The following LRIG3 variants were observed in gnomAD, a reference collection of about 807,000 sequenced individuals.
LRIG3 encodes the protein leucine rich repeats and immunoglobulin like domains 3, also known as leucine-rich repeats and immunoglobulin-like domains protein 3.
In LRIG3, 76 loss-of-function variants were observed where a neutral mutation model predicts 114.5. The ratio of observed to expected loss-of-function variants is 0.66; its 90% CI spans 0.55 to 0.80. The LOEUF is 0.80. Among genes scored for constraint, LRIG3 ranks in the 30% least tolerant of loss-of-function variants. LRIG3 has a pLI of 0.00. For missense variants in LRIG3, 1,239 were observed against 1,382.8 expected, an observed-to-expected ratio of 0.90 and a Z score of 1.65; for synonymous variants, 512 against 519.8, an observed-to-expected ratio of 0.98 and a Z score of 0.20.
At chr12:58,916,744 T>G (rs1332194888) in intron 1 of LRIG3, among the ~76,000 whole-genome samples, 2 of 152,224 alleles carry the variant, frequency 1.3e-5, no homozygotes, top group Non-Finnish European at 2.9e-5. Flanking sequence ...AGAGCTCAGC[T>G]GGCCAACACT....
intron 1 of LRIG3, among the ~76,000 whole-genome samples, chr12:58,917,346 A>G (rs1369460416): frequency 6.6e-6 from 1 of 152,260 alleles, no homozygotes; most frequent in Non-Finnish European, 1.5e-5. Flanking sequence ...TCTGGGCTAA[A>G]TAACATTCTA....
At chr12:58,882,553 T>C (rs898660994) in intron 12 of LRIG3, among the ~76,000 whole-genome samples, 1 of 152,210 alleles carries the variant, frequency 6.6e-6, no homozygotes, top group Non-Finnish European at 1.5e-5. Flanking sequence ...ATTTCATGGA[T>C]GCAGAGACTA....
chr12:58,879,783 TATTA>T (rs1285507238), intron 13 of LRIG3, among the ~76,000 whole-genome samples: 70 of 152,350 alleles, frequency 4.6e-4, no homozygotes, highest in African/African-American at 1.6e-3. Context: ...CCTTTACACA[TATTA>T]TTTCACTAAA....
At chr12:58,887,661 A>C in intron 8 of LRIG3, 128 bp downstream of exon 8, 1 of 951,706 alleles carries the variant, frequency 1.1e-6, no homozygotes, top group Non-Finnish European at 1.6e-6. Flanking sequence ...CTGATCTGGG[A>C]AAGATTAAGA....
intron 3 of LRIG3, among the ~76,000 whole-genome samples, chr12:58,901,572 G>A (rs757886141): frequency 2.6e-5 from 4 of 152,166 alleles, no homozygotes; most frequent in Non-Finnish European, 5.9e-5. Context: ...GTACAGCACA[G>A]ATACAGAACA....
Position 58,919,688 on chromosome 12 carries a change from C to T in LRIG3, c.236+312G>A, listed in dbSNP as rs1255573552. Reference sequence around the variant, plus strand: ...GGCCTGGCAGGAGCAAGCATTTGAACCCCTTGGCTAGCTTAGGGCGCAGGA... The same window carrying T: ...GGCCTGGCAGGAGCAAGCATTTGAATCCCTTGGCTAGCTTAGGGCGCAGGA... On this transcript the variant is annotated intron_variant, in intron 1 of 18. Transcript: ENST00000320743. 9.1e-6 allele frequency: 10 copies of T among 1,103,546 alleles called. No homozygotes were observed. In the East Asian group the frequency reaches 1.5e-4, roughly 17 times the overall value. The allele number at this position is 1,103,546 out of a possible 1,614,324, so 68.4% of individuals were successfully genotyped here. A position where few individuals can be genotyped will look rare whatever the true frequency, so the allele number is the denominator to read the frequency against.
At chr12:58,884,589 C>T (rs566194942) in intron 10 of LRIG3, among the ~76,000 whole-genome samples, 11 of 152,164 alleles carry the variant, frequency 7.2e-5, no homozygotes, top group African/African-American at 2.7e-4. Flanking sequence ...TCAATAAATA[C>T]TGCAATGTTG....
At position 58,886,881 on chromosome 12, in the gene LRIG3, C is replaced by T. The variant is rs1488790304; in HGVS notation, c.1101G>A (p.Lys367=). 1 of 1,612,672 alleles carries T rather than the reference C, an allele frequency of 6.2e-7. No homozygotes were observed. ...CAATAGTCCAGGAAATTTCATTGTT[C>T]TTCAGATCCCTAATTTTAAAAGAAG... ...GLSSLKTLDL[K]NNEISWTIED... is the part of the protein sequence containing the mutation. Residue 367 remains lysine (K), a synonymous_variant, in exon 9 of 19, where the codon AAG becomes AAA. Transcript: ENST00000320743.
At chr12:58,912,313 G>A (rs1431927978) in intron 3 of LRIG3, among the ~76,000 whole-genome samples, 2 of 152,056 alleles carry the variant, frequency 1.3e-5, no homozygotes, top group Non-Finnish European at 2.9e-5. Flanking sequence ...TGGCTAACAC[G>A]GTGAAACCCC....
intron 3 of LRIG3, among the ~76,000 whole-genome samples, chr12:58,909,033 C>G (rs922974362): frequency 6.6e-6 from 1 of 152,188 alleles, no homozygotes; most frequent in Non-Finnish European, 1.5e-5. Context: ...CAGAAACACA[C>G]ACAACTCCCT....
rs1310482805 is a variant in LRIG3, at chr12:58,905,352, TGTATA to T, written c.383+8625_383+8629del. 5.9e-5 allele frequency among the ~76,000 whole-genome samples: 9 copies of T among 152,374 alleles called. No individual in the cohort carries two copies. The East Asian group carries it at 1.7e-3, about 29-fold the overall frequency. On this transcript the variant is annotated intron_variant, in intron 3 of 18. Transcript: ENST00000320743. ...AGTGTTTGTCACAAATACAGCTCTG[TGTATA>T]GTAAACTCTCTTTTATGTGTAAGTC...
Position 58,872,430 on chromosome 12 carries a change from A to G in LRIG3, c.*142T>C, listed in dbSNP as rs1870765958. 1 of 872,314 alleles carries G rather than the reference A, an allele frequency of 1.1e-6. No individual in the cohort carries two copies. Among genetic ancestry groups the G allele is most frequent in the African/African-American group, 1.7e-5 (1 of 58,044 alleles). 54.0% of individuals were successfully genotyped at this position (872,314 alleles called of 1,614,324 possible). Reference sequence around the variant, plus strand: ...TATAAAAATTTTCATAACTTTTTGTAATTTTGGTTCATCTGTATAAATAAA... The same window carrying G: ...TATAAAAATTTTCATAACTTTTTGTGATTTTGGTTCATCTGTATAAATAAA... On this transcript the variant is annotated 3_prime_UTR_variant, in exon 19 of 19. Coordinates refer to ENST00000320743, the MANE Select transcript of LRIG3 (RefSeq NM_153377.5).
rs545103778 is a variant in LRIG3, at chr12:58,876,666, C to T, written c.2537-63G>A. The T allele has an allele frequency of 2.9e-4, 455 of 1,561,374 alleles. 4 individuals are homozygous for T. The South Asian group carries it at 4.7e-3, about 16-fold the overall frequency. On this transcript the variant is annotated intron_variant, in intron 15 of 18. Coordinates refer to ENST00000320743, the MANE Select transcript of LRIG3 (RefSeq NM_153377.5). Reference sequence around the variant, plus strand: ...ATCGTTAATTGTCCCACAGGCATCCCGGGTGAATGGCATAGACTATTTTGG... The same window carrying T: ...ATCGTTAATTGTCCCACAGGCATCCTGGGTGAATGGCATAGACTATTTTGG...
Position 58,890,874 on chromosome 12 carries a change from AC to A in LRIG3, c.384-79del, listed in dbSNP as rs1309626113. On this transcript the variant is annotated intron_variant, in intron 3 of 18. Coordinates refer to ENST00000320743, the MANE Select transcript of LRIG3 (RefSeq NM_153377.5). ...AGAAGAAAAATATTTTCTATTCCTG[AC>A]TGGTTCTTCAGAAATATGGAACTGA... 12 of 1,436,106 alleles carry A rather than the reference AC, an allele frequency of 8.4e-6. No homozygotes were observed. In the East Asian group the frequency reaches 2.7e-4, roughly 33 times the overall value. The allele number at this position is 1,436,106 out of a possible 1,614,324, so 89.0% of individuals were successfully genotyped here.
chr12:58,874,618 C>CAATT (rs1350410087), intron 16 of LRIG3, 45 bp from the exon 17 acceptor site: 1 of 1,606,282 alleles, frequency 6.2e-7, no homozygotes, highest in Non-Finnish European at 8.5e-7. Context: ...ATTCAAGTGC[C>CAATT]ATTCAACATT....
At chr12:58,885,501 T>TA (rs1871247287) in intron 10 of LRIG3, among the ~76,000 whole-genome samples, 1 of 152,126 alleles carries the variant, frequency 6.6e-6, no homozygotes, top group South Asian at 2.1e-4. Flanking sequence ...CAATGCCTGA[T>TA]ATATAGTGGA....
rs779709378 is a variant in LRIG3, at chr12:58,880,672, C to A, written c.1710G>T (p.Glu570Asp). 1 of 1,614,186 alleles carries A rather than the reference C, an allele frequency of 6.2e-7. No individual in the cohort carries two copies. Among genetic ancestry groups the A allele is most frequent in the Non-Finnish European group, 8.5e-7 (1 of 1,180,026 alleles). Residue 570 changes from glutamate (E) to aspartate (D), a missense_variant, in exon 13 of 19, where the codon GAG (glutamate) becomes GAT (aspartate). Transcript: ENST00000320743. ...MEYTTILRLR[E>D]VEFASEGKYQ... is the part of the protein sequence containing the mutation. ...ATTTCCCCTCACTGGCAAATTCCAC[C>A]TCGCGCAGCCGAAGGATGGTGGTAT... is the stretch of plus-strand genomic sequence containing the variant.
intron 3 of LRIG3, among the ~76,000 whole-genome samples, chr12:58,893,008 C>T (rs1042895092): frequency 2.0e-5 from 3 of 152,200 alleles, no homozygotes; most frequent in Non-Finnish European, 4.4e-5. Flanking sequence ...TCTACCCTGG[C>T]TCATTGAGCC....
intron 4 of LRIG3, among the ~76,000 whole-genome samples, chr12:58,890,409 TTTGA>T (rs1188681733): frequency 6.6e-6 from 1 of 152,156 alleles, no homozygotes; most frequent in Non-Finnish European, 1.5e-5. Context: ...ATGGTCTGAT[TTTGA>T]TTGTTTTTTT....
Sources: allele counts gnomAD v4.1 joint callset (sites outside exome capture counted in the v4.1 genomes callset), GRCh38; gene constraint gnomAD v4.1.1; transcripts MANE v1.5; gene names NCBI Gene and HGNC (gene_info 2026-07-23, HGNC 2026-07-21).